CHST11: variants seen among roughly 807,000 people sequenced by gnomAD.
The protein encoded by CHST11 is carbohydrate sulfotransferase 11.
CHST11 carries 9 observed loss-of-function variants against 30.4 expected under a neutral mutation model. That is an observed-to-expected ratio of 0.30 (90% CI 0.18 to 0.52). The LOEUF (loss-of-function observed/expected upper bound fraction) is 0.52. Ranked by LOEUF, CHST11 falls within the 20% of genes least tolerant of loss-of-function variation. The pLI is 0.97. For missense variants in CHST11, 348 were observed against 460.6 expected (o/e 0.76, Z 2.24); for synonymous variants, 152 against 187.8 (o/e 0.81, Z 1.56).
rs1307103538 is a variant in CHST11, at chr12:104,600,436, A to G, written c.119-1470A>G. 6.6e-6 allele frequency among the ~76,000 whole-genome samples: 1 copy of G among 152,188 alleles called. No individual in the cohort carries two copies. Among genetic ancestry groups the G allele is most frequent in the East Asian group, 1.9e-4 (1 of 5,188 alleles). On this transcript the variant is annotated intron_variant, in intron 1 of 2. Transcript: ENST00000303694. This position sits in a 1 kb window ranked among gnomAD's most constrained non-coding sequence, Gnocchi z 4.1. The stretch of plus-strand genomic sequence containing the variant: ...CCGCCTTCCTCCCAGGGGGATCTAA[A>G]ATAGCTTCTGAAATTTGTCACCAAC...
chr12:104,680,436 G>A (rs1410774180), intron 2 of CHST11, among the ~76,000 whole-genome samples: 7 of 152,184 alleles, frequency 4.6e-5, no homozygotes, highest in South Asian at 2.1e-4. Flanking sequence ...GGATGGGGAC[G>A]GACATGTGGC....
At chr12:104,653,005 A>G (rs1170653078) in intron 2 of CHST11, among the ~76,000 whole-genome samples, 2 of 152,164 alleles carry the variant, frequency 1.3e-5, no homozygotes, top group Non-Finnish European at 2.9e-5. Flanking sequence ...TAAAAAACAC[A>G]TAACCTAAAA....
chr12:104,658,220 A>T (rs529320369), intron 2 of CHST11, among the ~76,000 whole-genome samples: 1 of 152,288 alleles, frequency 6.6e-6, no homozygotes, highest in East Asian at 1.9e-4. Context: ...CTTAAATAGC[A>T]ATTTATTTTC....
intron 1 of CHST11, among the ~76,000 whole-genome samples, chr12:104,575,522 A>AG (rs906257951): frequency 1.3e-5 from 2 of 152,158 alleles, no homozygotes; most frequent in African/African-American, 4.8e-5. Context: ...ATCCGGGTGA[A>AG]GGGGGTCTTA....
chr12:104,692,792 C>G (rs148355857), intron 2 of CHST11, among the ~76,000 whole-genome samples: 34 of 152,044 alleles, frequency 2.2e-4, no homozygotes, highest in Non-Finnish European at 3.2e-4. Context: ...TTGCATGCTC[C>G]TTATGAGAAT....
chr12:104,708,258 G>C (rs2040054150), intron 2 of CHST11, among the ~76,000 whole-genome samples: 1 of 152,228 alleles, frequency 6.6e-6, no homozygotes, highest in Non-Finnish European at 1.5e-5. Flanking sequence ...ACCTTGGTCA[G>C]GTTACTTTAT....
intron 2 of CHST11, among the ~76,000 whole-genome samples, chr12:104,658,737 T>C (rs2039569086): frequency 6.6e-6 from 1 of 152,214 alleles, no homozygotes; most frequent in Admixed American, 6.5e-5. Flanking sequence ...GTTCGCTCCA[T>C]AATAATGATA....
At chr12:104,606,133 A>G (rs983991549) in intron 2 of CHST11, among the ~76,000 whole-genome samples, 3 of 113,088 alleles carry the variant, frequency 2.7e-5, no homozygotes, top group Admixed American at 2.7e-4. Context: ...ACAGTGTCCA[A>G]GGGATTTAGA....
chr12:104,474,647 T>A (rs2037540837), intron 1 of CHST11, among the ~76,000 whole-genome samples: 2 of 152,206 alleles, frequency 1.3e-5, no homozygotes, highest in African/African-American at 4.8e-5. Context: ...CTTTTTTATT[T>A]TCATGGGAAA....
intron 1 of CHST11, among the ~76,000 whole-genome samples, chr12:104,577,234 ATTTTTTTTTTT>A (rs34967812): frequency 1.2e-4 from 9 of 74,218 alleles, no homozygotes; most frequent in Non-Finnish European, 1.9e-4. Context: ...GCAGCCCTTC[ATTTTTTTTTTT>A]TTTTTTTTTT....
chr12:104,704,746 C>T (rs755465656), intron 2 of CHST11, among the ~76,000 whole-genome samples: 55 of 151,846 alleles, frequency 3.6e-4, no homozygotes, highest in Non-Finnish European at 1.8e-4. Context: ...TTGGAGGCCT[C>T]AGAACCCCGG....
At chr12:104,542,457 A>G (rs1357859446) in intron 1 of CHST11, among the ~76,000 whole-genome samples, 1 of 152,256 alleles carries the variant, frequency 6.6e-6, no homozygotes, top group Admixed American at 6.5e-5. Flanking sequence ...GACACATGCT[A>G]CAACATGGGT....
intron 1 of CHST11, among the ~76,000 whole-genome samples, chr12:104,504,151 C>T (rs923881091): frequency 1.1e-4 from 16 of 152,202 alleles, no homozygotes; most frequent in African/African-American, 2.2e-4. Flanking sequence ...CAGTCATCAG[C>T]GCCTTGCTGT....
At chr12:104,576,102 T>G (rs1416926362) in intron 1 of CHST11, among the ~76,000 whole-genome samples, 1 of 152,010 alleles carries the variant, frequency 6.6e-6, no homozygotes, top group Non-Finnish European at 1.5e-5. Flanking sequence ...CCATGTCAAC[T>G]TACTCACAGG....
At chr12:104,512,623 T>C (rs1229266594) in intron 1 of CHST11, among the ~76,000 whole-genome samples, 1 of 152,180 alleles carries the variant, frequency 6.6e-6, no homozygotes, top group Non-Finnish European at 1.5e-5. Context: ...CAATATAGGC[T>C]ATTATTGAGG....
At chr12:104,744,065 CAT>C (rs751672137) in intron 2 of CHST11, among the ~76,000 whole-genome samples, 19 of 152,194 alleles carry the variant, frequency 1.2e-4, no homozygotes, top group Non-Finnish European at 2.6e-4. Flanking sequence ...GCAGTGAACA[CAT>C]GTGTGCATGT....
intron 1 of CHST11, among the ~76,000 whole-genome samples, chr12:104,471,687 A>G (rs955545842): frequency 6.6e-5 from 10 of 152,326 alleles, no homozygotes; most frequent in Admixed American, 2.6e-4. Context: ...TACATTGAAA[A>G]AAGTGAAAAG....
At position 104,568,205 on chromosome 12, in the gene CHST11, T is replaced by G. The variant is rs371373617; in HGVS notation, c.119-33701T>G. ...TCTTCCTGTCTTCTGGCCTTGTGAA[T>G]GGCCTGGTGCTTTGCCTGGCGAGAG... On this transcript the variant is annotated intron_variant, in intron 1 of 2. Transcript: ENST00000303694. Among the ~76,000 whole-genome samples, 4 of 152,300 alleles carry G rather than the reference T, an allele frequency of 2.6e-5. No individual in the cohort carries two copies. In the South Asian group the frequency reaches 6.2e-4, roughly 24 times the overall value.
At chr12:104,735,578 A>G (rs1372128277) in intron 2 of CHST11, among the ~76,000 whole-genome samples, 1 of 152,230 alleles carries the variant, frequency 6.6e-6, no homozygotes, top group Non-Finnish European at 1.5e-5. Flanking sequence ...AAAGCCCCAC[A>G]GTTAGCGGGA....
Sources: allele counts gnomAD v4.1 joint callset (sites outside exome capture counted in the v4.1 genomes callset), GRCh38; gene constraint gnomAD v4.1.1; non-coding constraint Gnocchi (gnomAD v3.1); transcripts MANE v1.5; gene names NCBI Gene and HGNC (gene_info 2026-07-23, HGNC 2026-07-21).